CRB1: variants seen among roughly 807,000 people sequenced by gnomAD.
CRB1 encodes crumbs cell polarity complex component 1, also known as protein crumbs homolog 1.
In CRB1, 83 loss-of-function variants were observed where a neutral mutation model predicts 120.0. The observed-to-expected ratio is 0.69, with a 90% CI of 0.58 to 0.83. The LOEUF (loss-of-function observed/expected upper bound fraction) is 0.83. Ranked by LOEUF, CRB1 falls within the 40% of genes least tolerant of loss-of-function variation. The pLI, the probability that CRB1 is intolerant of heterozygous loss-of-function variation, is 0.00. For missense variants in CRB1, 1,699 were observed against 1,687.6 expected, an observed-to-expected ratio of 1.01 and a Z score of -0.12; for synonymous variants, 625 against 612.5, an observed-to-expected ratio of 1.02 and a Z score of -0.30.
At chr1:197,326,098 A>G (rs1029519907) in intron 1 of CRB1, among the ~76,000 whole-genome samples, 2 of 152,238 alleles carry the variant, frequency 1.3e-5, no homozygotes, top group African/African-American at 4.8e-5. Context: ...AAATATACAT[A>G]TATGTATGCA....
At chr1:197,396,947 G>T (rs923784720) in intron 5 of CRB1, among the ~76,000 whole-genome samples, 3 of 151,904 alleles carry the variant, frequency 2.0e-5, no homozygotes, top group African/African-American at 7.3e-5. Context: ...CTGATAAATT[G>T]CACTTCACCA....
chr1:197,242,986 G>A, the CRB1 span, among the ~76,000 whole-genome samples: 4 of 152,064 alleles, frequency 2.6e-5, no homozygotes, highest in South Asian at 8.3e-4. Flanking sequence ...ATTCTCTGAT[G>A]GTAGTTTGTA....
chr1:197,260,155 A>T, the CRB1 span, among the ~76,000 whole-genome samples: 1 of 151,528 alleles, frequency 6.6e-6, no homozygotes, highest in Non-Finnish European at 1.5e-5. Context: ...ACCCTAAAAA[A>T]AGAAAGAGAG....
the CRB1 span, among the ~76,000 whole-genome samples, chr1:197,230,787 G>A: frequency 6.6e-6 from 1 of 152,160 alleles, no homozygotes; most frequent in Non-Finnish European, 1.5e-5. Context: ...CCAAAGAAAA[G>A]GTAGAGGTGA....
At chr1:197,386,215 C>T (rs1024147432) in intron 5 of CRB1, among the ~76,000 whole-genome samples, 4 of 151,988 alleles carry the variant, frequency 2.6e-5, no homozygotes, top group East Asian at 1.9e-4. Flanking sequence ...GAACTGGTTA[C>T]GTAATTGTTC....
Position 197,344,272 on chromosome 1 carries a change from T to G in CRB1, c.653-9T>G, listed in dbSNP as rs1361143166. The stretch of plus-strand genomic sequence containing the variant: ...TTTTCTGTTTTTTCTGTGCTGACTT[T>G]TTTAAAAGGTGTAAACTGTGAATTG... On this transcript the variant is annotated splice_polypyrimidine_tract_variant and intron_variant, in intron 2 of 11. Coordinates refer to ENST00000367400, the MANE Select transcript of CRB1 (RefSeq NM_201253.3). 4 of 1,614,118 alleles carry G rather than the reference T, an allele frequency of 2.5e-6. No individual in the cohort carries two copies. In the South Asian group the frequency reaches 4.4e-5, roughly 18 times the overall value.
At chr1:197,407,139 G>T (rs1241907492) in intron 5 of CRB1, among the ~76,000 whole-genome samples, 1 of 152,156 alleles carries the variant, frequency 6.6e-6, no homozygotes, top group Admixed American at 6.5e-5. Context: ...TCTTAAGATT[G>T]TACTAAGAAA....
At chr1:197,294,068 C>G (rs1451763918) in intron 1 of CRB1, among the ~76,000 whole-genome samples, 1 of 152,144 alleles carries the variant, frequency 6.6e-6, no homozygotes, top group Non-Finnish European at 1.5e-5. Context: ...CAAATGGGAT[C>G]TAATTCAACT....
the CRB1 span, among the ~76,000 whole-genome samples, chr1:197,232,253 C>T: frequency 6.6e-6 from 1 of 152,112 alleles, no homozygotes; most frequent in South Asian, 2.1e-4. Flanking sequence ...TTTTGACATT[C>T]AAATCTGCAA....
intron 10 of CRB1, 78 bp downstream of exon 10, chr1:197,438,753 C>T: frequency 6.4e-7 from 1 of 1,556,424 alleles, no homozygotes; most frequent in Non-Finnish European, 8.8e-7. Flanking sequence ...ATTTTCTCCT[C>T]TAATTTTTTA....
rs187283645 is a variant in CRB1, at chr1:197,428,072, T to C, written c.2676+71T>C. The stretch of plus-strand genomic sequence containing the variant: ...TTTACTTTATTAAAAAGATAACTTA[T>C]TAAAACCATTCTTTGTATATAAAGA... On this transcript the variant is annotated intron_variant, in intron 7 of 11. Coordinates refer to ENST00000367400, the MANE Select transcript of CRB1 (RefSeq NM_201253.3). 1.6e-3 allele frequency: 2,228 copies of C among 1,364,524 alleles called. 5 individuals are homozygous for C. Among genetic ancestry groups the C allele is most frequent in the Non-Finnish European group, 2.1e-3 (2,080 of 974,892 alleles). The allele number at this position is 1,364,524 out of a possible 1,614,324, so 84.5% of individuals were successfully genotyped here. A position where few individuals can be genotyped will look rare whatever the true frequency, so the allele number is the denominator to read the frequency against.
chr1:197,361,310 T>G (rs529664802), intron 5 of CRB1, among the ~76,000 whole-genome samples: 11 of 152,232 alleles, frequency 7.2e-5, no homozygotes, highest in Non-Finnish European at 1.5e-4. Flanking sequence ...AGAGAGTATG[T>G]AAAATTGATG....
chr1:197,406,037 G>A (rs1663372128), intron 5 of CRB1, among the ~76,000 whole-genome samples: 1 of 152,020 alleles, frequency 6.6e-6, no homozygotes, highest in Admixed American at 6.5e-5. Flanking sequence ...GGGAAGTGAG[G>A]AGCCCCTCTG....
chr1:197,280,101 A>G (rs931003311), intron 1 of CRB1, among the ~76,000 whole-genome samples: 4 of 151,992 alleles, frequency 2.6e-5, no homozygotes, highest in South Asian at 2.1e-4. Flanking sequence ...GTTTTCACAC[A>G]ACCATATCAC....
At chr1:197,294,512 T>A (rs181773939) in intron 1 of CRB1, among the ~76,000 whole-genome samples, 1 of 152,252 alleles carries the variant, frequency 6.6e-6, no homozygotes. Flanking sequence ...TCCTCAAGGA[T>A]CTAGAACTAG....
chr1:197,401,677 A>C (rs1041818503), intron 5 of CRB1, among the ~76,000 whole-genome samples: 1 of 152,110 alleles, frequency 6.6e-6, no homozygotes, highest in Non-Finnish European at 1.5e-5. Flanking sequence ...ATATTTGATA[A>C]TGTACTATTT....
chr1:197,290,306 T>C lies in CRB1; in HGVS notation c.70+21824T>C, dbSNP rs1004578324. Among the ~76,000 whole-genome samples the C allele has an allele frequency of 5.5e-3, 442 of 80,228 alleles. 1 individual carries two copies. The highest frequency in any genetic ancestry group is 0.021 in the African/African-American group (422 of 19,748). The allele number at this position is 80,228 out of a possible 152,430, so 52.6% of individuals were successfully genotyped here. A position where few individuals can be genotyped will look rare whatever the true frequency, so the allele number is the denominator to read the frequency against. On this transcript the variant is annotated intron_variant, in intron 1 of 11. Coordinates refer to ENST00000367400, the MANE Select transcript of CRB1 (RefSeq NM_201253.3). The stretch of plus-strand genomic sequence containing the variant: ...TGTGTGTGTGTGTGTGTGTGTGTGT[T>C]TGAAGAGAAGTGGATCTCAGATCAT...
intron 1 of CRB1, among the ~76,000 whole-genome samples, chr1:197,290,897 C>T (rs1024148773): frequency 6.6e-6 from 1 of 151,740 alleles, no homozygotes; most frequent in African/African-American, 2.4e-5. Flanking sequence ...TTTCTTGTGC[C>T]TGGCTCTCTG....
In CRB1 at chr1:197,427,616, G is replaced by C; in HGVS notation, c.2291G>C (p.Arg764Pro). 1 of 1,613,916 alleles carries C rather than the reference G, an allele frequency of 6.2e-7. No homozygotes were observed. ...ALENSTYQYI[R>P]VWLERGRLAM... ...GAAAACAGCACTTATCAATATATCCGTGTCTGGCTAGAGCGCGGCAGACTA... is the reference window on the plus strand; with the variant it reads ...GAAAACAGCACTTATCAATATATCCCTGTCTGGCTAGAGCGCGGCAGACTA... Residue 764 changes from arginine to proline, a missense_variant, in exon 7 of 12, where the codon CGT (arginine) becomes CCT (proline). Coordinates refer to ENST00000367400, the MANE Select transcript of CRB1 (RefSeq NM_201253.3).
Sources: allele counts gnomAD v4.1 joint callset (sites outside exome capture counted in the v4.1 genomes callset), GRCh38; gene constraint gnomAD v4.1.1; transcripts MANE v1.5; gene names NCBI Gene and HGNC (gene_info 2026-07-23, HGNC 2026-07-21).